Variants in JAG1 observed in about 807,000 individuals in gnomAD.
The protein encoded by JAG1 is protein jagged-1.
In JAG1, 23 loss-of-function variants were observed where a neutral mutation model predicts 148.7. The observed-to-expected ratio is 0.15, with a 90% CI of 0.11 to 0.22. The LOEUF (loss-of-function observed/expected upper bound fraction) is 0.22, where lower values mean the gene tolerates loss of function less well. Ranked by LOEUF, JAG1 falls within the 10% of genes least tolerant of loss-of-function variation. The pLI is 1.00. For missense variants in JAG1, 1,054 were observed against 1,611.2 expected (o/e 0.65, Z 5.92); for synonymous variants, 572 against 598.3 (o/e 0.96, Z 0.64).
Position 10,638,702 on chromosome 20 carries a change from T to G in JAG1, c.*796A>C, listed in dbSNP as rs1483137115. ...CATCCTATTGTTTTAAAATAAACTA[T>G]TTTCAAACACCTTAATTTTGGCTTA... On this transcript the variant is annotated 3_prime_UTR_variant, in exon 26 of 26. Transcript: ENST00000254958. 6.6e-6 allele frequency: 1 copy of G among 152,632 alleles called. No individual in the cohort carries two copies. The highest frequency in any genetic ancestry group is 1.5e-5 in the Non-Finnish European group (1 of 68,046). The allele number at this position is 152,632 out of a possible 1,614,324, so 9.5% of individuals were successfully genotyped here. A position where few individuals can be genotyped will look rare whatever the true frequency, so the allele number is the denominator to read the frequency against.
At chr20:10,668,917 C>T (rs148250153) in intron 2 of JAG1, among the ~76,000 whole-genome samples, 1,952 of 152,070 alleles carry the variant, frequency 0.013, 36 homozygotes, top group African/African-American at 0.039. Context: ...TGTAGAATTA[C>T]GGGTGTGGAA....
In JAG1 at chr20:10,648,537, G is replaced by A. The variant is rs1423786595; in HGVS notation, c.1569+12C>T. 5 of 1,612,200 alleles carry A rather than the reference G, an allele frequency of 3.1e-6. No individual in the cohort carries two copies. Among genetic ancestry groups the A allele is most frequent in the African/African-American group, 1.3e-5 (1 of 74,868 alleles). ...TAAAAACTTGGCCATCTGAGGTTTT[G>A]CCACCACTCACCTGACAGAGGTTTC... On this transcript the variant is annotated intron_variant, in intron 12 of 25. Transcript: ENST00000254958.
Position 10,645,318 on chromosome 20 carries a change from G to A in JAG1, c.2113+38C>T, listed in dbSNP as rs769941839. 1.2e-6 allele frequency: 2 copies of A among 1,604,532 alleles called. No homozygotes were observed. The highest frequency in any genetic ancestry group is 2.7e-5 in the African/African-American group (2 of 74,702). ...CCCTCCCACAGAAGACAGAGGGAAG[G>A]GTCCCAGAGATAGCATCCAAGGCCA... On this transcript the variant is annotated intron_variant, in intron 16 of 25. Coordinates refer to ENST00000254958, the MANE Select transcript of JAG1 (RefSeq NM_000214.3). This position sits in a 1 kb window ranked among gnomAD's most constrained non-coding sequence, Gnocchi z 6.1.
At chr20:10,651,781 G>T in intron 7 of JAG1, 87 bp from the exon 8 acceptor site, 1 of 810,140 alleles carries the variant, frequency 1.2e-6, no homozygotes, top group Non-Finnish European at 2.1e-6. Context: ...CCACACCACA[G>T]CCACTAGTGC....
intron 9 of JAG1, 77 bp downstream of exon 9, chr20:10,650,169 CA>C: frequency 1.2e-6 from 1 of 865,898 alleles, no homozygotes; most frequent in Non-Finnish European, 1.9e-6. Context: ...CTGCCGGCCA[CA>C]CGCTCGTCTT....
intron 2 of JAG1, among the ~76,000 whole-genome samples, chr20:10,664,926 T>C (rs995731693): frequency 6.6e-6 from 1 of 152,154 alleles, no homozygotes; most frequent in East Asian, 1.9e-4. Flanking sequence ...TTTTCTAAAA[T>C]TTTCCTTCGT....
intron 20 of JAG1, 76 bp downstream of exon 20, chr20:10,643,702 A>G: frequency 8.8e-7 from 1 of 1,137,804 alleles, no homozygotes; most frequent in Non-Finnish European, 1.3e-6. Flanking sequence ...TTTGTTTTTA[A>G]AGATGAAAGT....
At chr20:10,644,633 C>T in intron 18 of JAG1, 1 of 639,258 alleles carries the variant, frequency 1.6e-6, no homozygotes, top group African/African-American at 1.8e-5. Flanking sequence ...AGACAGGCTG[C>T]TGGTCAGACC....
In JAG1 at chr20:10,669,051, T is replaced by C. The variant is rs537242103; in HGVS notation, c.387+3650A>G. On this transcript the variant is annotated intron_variant, in intron 2 of 25. Transcript: ENST00000254958. Reference sequence around the variant, plus strand: ...AGAGAAAAAAAAATTAGAAACCAAGTACCTGGAATAAAGATTCCATTTTTG... The same window carrying C: ...AGAGAAAAAAAAATTAGAAACCAAGCACCTGGAATAAAGATTCCATTTTTG... Among the ~76,000 whole-genome samples the C allele has an allele frequency of 5.4e-4, 82 of 151,766 alleles. 1 individual carries two copies. The South Asian group carries it at 0.017, about 32-fold the overall frequency.
intron 2 of JAG1, among the ~76,000 whole-genome samples, chr20:10,668,102 A>G (rs1386297652): frequency 6.6e-6 from 1 of 151,300 alleles, no homozygotes; most frequent in Non-Finnish European, 1.5e-5. Flanking sequence ...TAAAAAAAAA[A>G]AAAAAAAAAA....
Position 10,648,222 on chromosome 20 carries a change from A to G in JAG1, c.1570-112T>C, listed in dbSNP as rs563852551. Reference sequence around the variant, plus strand: ...GAATCTGACAGTTCCTTCGGTTTCTATTAGGAGACACCCTGTAAGATACAT... The same window carrying G: ...GAATCTGACAGTTCCTTCGGTTTCTGTTAGGAGACACCCTGTAAGATACAT... On this transcript the variant is annotated intron_variant, in intron 12 of 25. Coordinates refer to ENST00000254958, the MANE Select transcript of JAG1 (RefSeq NM_000214.3). 104 of 1,234,322 alleles carry G rather than the reference A, an allele frequency of 8.4e-5. 1 individual carries two copies. Among genetic ancestry groups the G allele is most frequent in the Admixed American group, 4.7e-4 (26 of 55,790 alleles). The allele number at this position is 1,234,322 out of a possible 1,614,324, so 76.5% of individuals were successfully genotyped here.
intron 5 of JAG1, among the ~76,000 whole-genome samples, chr20:10,654,310 CAAAT>C (rs1214512214): frequency 6.6e-6 from 1 of 152,092 alleles, no homozygotes; most frequent in Non-Finnish European, 1.5e-5. Flanking sequence ...CAAAAGAAAA[CAAAT>C]AAAAATACTG....
intron 3 of JAG1, among the ~76,000 whole-genome samples, chr20:10,660,002 C>G (rs2067405430): frequency 6.6e-6 from 1 of 152,192 alleles, no homozygotes; most frequent in African/African-American, 2.4e-5. Context: ...CCTGCCAGCA[C>G]CAACTCTTCA....
chr20:10,648,785 G>A, intron 11 of JAG1, 63 bp from the exon 12 acceptor site: 1 of 1,492,026 alleles, frequency 6.7e-7, no homozygotes, highest in Non-Finnish European at 9.3e-7. Flanking sequence ...ACAAACACAG[G>A]GCTTCAGCGG....
At chr20:10,654,891 C>T (rs1014257830) in intron 5 of JAG1, among the ~76,000 whole-genome samples, 2 of 152,196 alleles carry the variant, frequency 1.3e-5, no homozygotes, top group Admixed American at 6.5e-5. Flanking sequence ...AAATCACAGT[C>T]GGCCTCCGCT....
In JAG1 at chr20:10,643,799, C is replaced by A. The variant is rs1468674623; in HGVS notation, c.2437G>T (p.Ala813Ser). 1.2e-6 allele frequency: 2 copies of A among 1,614,094 alleles called. No homozygotes were observed. The highest frequency in any genetic ancestry group is 1.7e-6 in the Non-Finnish European group (2 of 1,179,954). The change falls in exon 20 of 26, where the codon GCT (alanine) becomes TCT (serine). Residue 813 changes from alanine to serine, a missense_variant. Transcript: ENST00000254958. Reference protein sequence around the residue: ...WYRCECAPGFAGPDCRININE... With the variant: ...WYRCECAPGFSGPDCRININE... ...TTACTTATTCTGCAGTCGGGCCCAG[C>A]AAAACCCGGGGCACATTCGCACCGG...
At chr20:10,653,891 C>T (rs1449365029) in intron 5 of JAG1, among the ~76,000 whole-genome samples, 1 of 152,190 alleles carries the variant, frequency 6.6e-6, no homozygotes, top group Non-Finnish European at 1.5e-5. Flanking sequence ...GCTATGCACA[C>T]CCACATGCAA....
chr20:10,657,048 G>GA, intron 4 of JAG1, among the ~76,000 whole-genome samples: 1 of 152,070 alleles, frequency 6.6e-6, no homozygotes, highest in South Asian at 2.1e-4. Context: ...TTAAAAAAAA[G>GA]AAAAAAGTAA....
In JAG1 at chr20:10,658,714, T is replaced by C. The variant is rs1229047867; in HGVS notation, c.448A>G (p.Ser150Gly). Residue 150 changes from serine to glycine, a missense_variant, in exon 4 of 26, where the codon AGT becomes GGT. Physicochemically the swap from Ser to Gly is moderately conservative, Grantham distance 56. Around this residue, in one of 6 missense-constraint regions of JAG1, gnomAD observed 151 missense variants for 211.1 expected, o/e 0.72. Coordinates refer to ENST00000254958, the MANE Select transcript of JAG1 (RefSeq NM_000214.3). The part of the protein sequence containing the change: ...DSSNDTVQPD[S>G]IIEKASHSGM... ...GAGTGAGAAGCCTTTTCAATAATAC[T>C]GTCAGGTTCTAGAGACAAAGTGATG... The C allele has an allele frequency of 2.5e-6, 4 of 1,614,112 alleles. No homozygotes were observed. Among genetic ancestry groups the C allele is most frequent in the Non-Finnish European group, 3.4e-6 (4 of 1,180,024 alleles).
Sources: allele counts gnomAD v4.1 joint callset (sites outside exome capture counted in the v4.1 genomes callset), GRCh38; gene constraint gnomAD v4.1.1; regional missense constraint gnomAD v4.1.1; non-coding constraint Gnocchi (gnomAD v3.1); transcripts MANE v1.5; gene names NCBI Gene and HGNC (gene_info 2026-07-23, HGNC 2026-07-21).